RAB3IP: variants seen among roughly 807,000 people sequenced by gnomAD.
RAB3IP encodes rab-3A-interacting protein.
A neutral mutation model predicts 59.1 loss-of-function variants in RAB3IP; 36 were observed. The ratio of observed to expected loss-of-function variants is 0.61; its 90% CI spans 0.47 to 0.80. RAB3IP has a LOEUF of 0.80. Ranked by LOEUF, RAB3IP falls within the 30% of genes least tolerant of loss-of-function variation. The probability of loss-of-function intolerance (pLI) is 0.00; values close to 1 mark genes in which losing one functional copy is unlikely to be tolerated. For missense variants in RAB3IP, 511 were observed against 536.0 expected, an observed-to-expected ratio of 0.95 and a Z score of 0.46; for synonymous variants, 207 against 191.2, an observed-to-expected ratio of 1.08 and a Z score of -0.68.
intron 6 of RAB3IP, among the ~76,000 whole-genome samples, chr12:69,797,057 C>G (rs1271115835): frequency 6.6e-6 from 1 of 152,140 alleles, no homozygotes; most frequent in Non-Finnish European, 1.5e-5. Flanking sequence ...TAAATTTGAC[C>G]TGTGTAAGTC....
In RAB3IP at chr12:69,818,061, C is replaced by CCCA. The variant is rs1248605293; in HGVS notation, c.*2615_*2616insCCA. The CCCA allele has an allele frequency of 3.3e-5, 1 of 30,766 alleles. No homozygotes were observed. The highest frequency in any genetic ancestry group is 9.6e-5 in the Non-Finnish European group (1 of 10,390). 1.9% of individuals were successfully genotyped at this position (30,766 alleles called of 1,614,324 possible). A position where few individuals can be genotyped will look rare whatever the true frequency, so the allele number is the denominator to read the frequency against. On this transcript the variant is annotated 3_prime_UTR_variant, in exon 11 of 11. Coordinates refer to ENST00000247833, the MANE Select transcript of RAB3IP (RefSeq NM_022456.5). ...CATTCGATTGGTGAAAATGAAGAAA[C>CCCA]ACAAAGTCAAGTTTTGGAGAGGGTT...
At chr12:69,773,380 C>A (rs1047009024) in intron 3 of RAB3IP, among the ~76,000 whole-genome samples, 2 of 131,358 alleles carry the variant, frequency 1.5e-5, no homozygotes, top group South Asian at 2.4e-4. Flanking sequence ...TTGGATACGC[C>A]TTCTACCCAT....
intron 1 of RAB3IP, among the ~76,000 whole-genome samples, chr12:69,748,076 T>G (rs1592437384): frequency 6.6e-6 from 1 of 151,842 alleles, no homozygotes; most frequent in East Asian, 1.9e-4. Flanking sequence ...CTTTAGTTTT[T>G]TTTTTTTTTT....
chr12:69,756,325 A>T, intron 2 of RAB3IP, 80 bp from the exon 3 acceptor site: 1 of 1,434,786 alleles, frequency 7.0e-7, no homozygotes, highest in Non-Finnish European at 9.5e-7. Flanking sequence ...TGGGTAGTAC[A>T]GTTCTAGAGC....
chr12:69,739,671 C>G (rs1296214800), intron 1 of RAB3IP: 6 of 660,944 alleles, frequency 9.1e-6, no homozygotes, highest in Non-Finnish European at 1.6e-5. Context: ...TAGGCAGCTC[C>G]GTGCCGCCAG....
Position 69,739,891 on chromosome 12 carries a change from G to T in RAB3IP, c.-26+860G>T, listed in dbSNP as rs372831897. ...AAGGGTAAGGTCTTGAAAGACACGA[G>T]CGCTGAGTTAGTTAGTACTGATTAC... On this transcript the variant is annotated intron_variant, in intron 1 of 10. Transcript: ENST00000247833. The T allele has an allele frequency of 1.1e-5, 18 of 1,613,250 alleles. No homozygotes were observed. In the African/African-American group the frequency reaches 2.1e-4, roughly 19 times the overall value.
intron 3 of RAB3IP, among the ~76,000 whole-genome samples, chr12:69,780,395 G>T (rs1874486388): frequency 6.6e-6 from 1 of 152,174 alleles, no homozygotes; most frequent in African/African-American, 2.4e-5. Flanking sequence ...AGGGAGAGGG[G>T]CTGGAGCCGA....
At position 69,794,492 on chromosome 12, in the gene RAB3IP, A is replaced by G. The variant is rs1877137107; in HGVS notation, c.662A>G (p.Gln221Arg). Residue 221 changes from glutamine (Q) to arginine (R), a missense_variant, in exon 5 of 11, where the codon CAG (glutamine) becomes CGG (arginine). Physicochemically the swap from Gln to Arg is conservative, Grantham distance 43. Coordinates refer to ENST00000247833, the MANE Select transcript of RAB3IP (RefSeq NM_022456.5). ...ANIKQATAEK[Q>R]LKEAQGKIDV... ...ATCAAGCAGGCAACAGCAGAAAAAC[A>G]GCTAAAAGAAGCACAAGGAAAAGTG... is the stretch of plus-strand genomic sequence containing the variant. 1.2e-6 allele frequency: 2 copies of G among 1,612,948 alleles called. No individual in the cohort carries two copies. The highest frequency in any genetic ancestry group is 1.7e-6 in the Non-Finnish European group (2 of 1,179,412).
chr12:69,756,491 A>G lies in RAB3IP; in HGVS notation c.338A>G (p.Asn113Ser). 6.2e-7 allele frequency: 1 copy of G among 1,614,128 alleles called. No homozygotes were observed. Among genetic ancestry groups the G allele is most frequent in the South Asian group, 1.1e-5 (1 of 91,086 alleles). ...TKLTTRKDNY[N>S]AEREFLQGAT... is the part of the protein sequence containing the mutation. ...TTAACTACAAGAAAGGACAACTATA[A>G]TGCAGAGAGAGAGTTTTTACAGGGT... is the stretch of plus-strand genomic sequence containing the variant. The change falls in exon 3 of 11, where the codon AAT (asparagine) becomes AGT (serine). Residue 113 changes from asparagine (N) to serine (S), a missense_variant. Asn to Ser is a conservative substitution (Grantham distance 46). Coordinates refer to ENST00000247833, the MANE Select transcript of RAB3IP (RefSeq NM_022456.5).
At chr12:69,753,650 G>A (rs1869700932) in intron 1 of RAB3IP, among the ~76,000 whole-genome samples, 1 of 152,048 alleles carries the variant, frequency 6.6e-6, no homozygotes, top group African/African-American at 2.4e-5. Context: ...AGCCTGACCT[G>A]TTTGGCATTT....
In RAB3IP at chr12:69,794,629, G is replaced by A. The variant is rs540903835; in HGVS notation, c.684+115G>A. On this transcript the variant is annotated intron_variant, in intron 5 of 10. Transcript: ENST00000247833. ...GTAAAGTAGTGCTTGTTTTCAATTT[G>A]GAAACTACAGAAAAATAGAAGAAAA... 8.3e-5 allele frequency: 60 copies of A among 725,704 alleles called. No individual in the cohort carries two copies. In the African/African-American group the frequency reaches 9.3e-4, roughly 11 times the overall value. 45.0% of individuals were successfully genotyped at this position (725,704 alleles called of 1,614,324 possible).
At chr12:69,782,879 ATT>A (rs1382512221) in intron 3 of RAB3IP, among the ~76,000 whole-genome samples, 2 of 151,120 alleles carry the variant, frequency 1.3e-5, no homozygotes, top group East Asian at 1.9e-4. Context: ...TAGGAGAGAG[ATT>A]TTCTAAGGTC....
intron 8 of RAB3IP, among the ~76,000 whole-genome samples, chr12:69,807,930 A>G (rs1477875187): frequency 6.6e-6 from 1 of 151,410 alleles, no homozygotes; most frequent in Non-Finnish European, 1.5e-5. Context: ...GGCGCTCCTC[A>G]CCTCCCAGAC....
At chr12:69,788,304 T>G (rs115246924) in intron 4 of RAB3IP, among the ~76,000 whole-genome samples, 1,641 of 152,272 alleles carry the variant, frequency 0.011, 27 homozygotes, top group African/African-American at 0.037. Flanking sequence ...TACAGCCTAT[T>G]ACACACCTTG....
At chr12:69,800,057 A>G (rs1376597490) in intron 6 of RAB3IP, 152 bp from the exon 7 acceptor site, 5 of 440,534 alleles carry the variant, frequency 1.1e-5, no homozygotes, top group Non-Finnish European at 1.9e-5. Context: ...GAAAACTGCT[A>G]CCAGGTATTG....
chr12:69,739,776 C>G (rs1169835851), intron 1 of RAB3IP: 1 of 1,587,320 alleles, frequency 6.3e-7, no homozygotes, highest in African/African-American at 1.3e-5. Context: ...GCCCAGGAAG[C>G]GCGAGCTTAC....
intron 6 of RAB3IP, among the ~76,000 whole-genome samples, chr12:69,796,842 CT>C (rs999256066): frequency 6.6e-6 from 1 of 152,186 alleles, no homozygotes; most frequent in Non-Finnish European, 1.5e-5. Context: ...TAATTATGTA[CT>C]TTCCCCCCTA....
rs1881268912 is a variant in RAB3IP, at chr12:69,817,652, T to TCACACACACA, written c.*2206_*2207insCACACACACA. The stretch of plus-strand genomic sequence containing the variant: ...CCTGGGAAAAATAGGGAAACTCCAT[T>TCACACACACA]TACACACACACACACACACACACAC... On this transcript the variant is annotated 3_prime_UTR_variant, in exon 11 of 11. Transcript: ENST00000247833. 1 of 22,304 alleles carries TCACACACACA rather than the reference T, an allele frequency of 4.5e-5. No homozygotes were observed. The highest frequency in any genetic ancestry group is 8.8e-5 in the Non-Finnish European group (1 of 11,354). The allele number at this position is 22,304 out of a possible 1,614,324, so 1.4% of individuals were successfully genotyped here.
chr12:69,760,795 G>A (rs1243387109), intron 3 of RAB3IP, among the ~76,000 whole-genome samples: 1 of 151,894 alleles, frequency 6.6e-6, no homozygotes, highest in Non-Finnish European at 1.5e-5. Context: ...GTTCCTCTGC[G>A]TATTAGGTCT....
Sources: allele counts gnomAD v4.1 joint callset (sites outside exome capture counted in the v4.1 genomes callset), GRCh38; gene constraint gnomAD v4.1.1; transcripts MANE v1.5; gene names NCBI Gene and HGNC (gene_info 2026-07-23, HGNC 2026-07-21).